Variants in MTA3 observed in about 807,000 individuals in gnomAD.
MTA3 encodes the protein metastasis-associated protein MTA3.
MTA3 carries 34 observed loss-of-function variants against 83.5 expected under a neutral mutation model. The ratio of observed to expected loss-of-function variants is 0.41; its 90% confidence interval spans 0.31 to 0.54. The LOEUF (loss-of-function observed/expected upper bound fraction) is 0.54, where lower values mean the gene tolerates loss of function less well. Ranked by LOEUF, MTA3 falls within the 20% of genes least tolerant of loss-of-function variation. The probability of loss-of-function intolerance (pLI) is 0.33; values close to 1 mark genes in which losing one functional copy is unlikely to be tolerated. For missense variants in MTA3, 761 were observed against 726.4 expected (o/e 1.05, Z -0.55); for synonymous variants, 303 against 252.7 (o/e 1.20, Z -1.89).
chr2:42,577,386 G>C (rs1161937802), intron 2 of MTA3, among the ~76,000 whole-genome samples: 1 of 151,690 alleles, frequency 6.6e-6, no homozygotes, highest in Non-Finnish European at 1.5e-5. Flanking sequence ...CCCCTAAGCA[G>C]GTTTAAATAA....
At chr2:42,725,796 T>G (rs139808841) in intron 16 of MTA3, among the ~76,000 whole-genome samples, 1 of 152,284 alleles carries the variant, frequency 6.6e-6, no homozygotes, top group African/African-American at 2.4e-5. Context: ...AGAATCCTTC[T>G]AGCGCCCTGC....
chr2:42,576,332 G>T (rs1679027877), intron 2 of MTA3, among the ~76,000 whole-genome samples: 1 of 152,228 alleles, frequency 6.6e-6, no homozygotes, highest in Non-Finnish European at 1.5e-5. Context: ...TGAAGTTGAG[G>T]CCTAAAGGAT....
At chr2:42,644,954 C>T (rs1182553788) in intron 6 of MTA3, among the ~76,000 whole-genome samples, 1 of 152,004 alleles carries the variant, frequency 6.6e-6, no homozygotes, top group Non-Finnish European at 1.5e-5. Context: ...CCTGCAGTGG[C>T]CGGTAAGTGT....
intron 8 of MTA3, among the ~76,000 whole-genome samples, chr2:42,678,682 G>A (rs1354385440): frequency 6.6e-6 from 1 of 152,102 alleles, no homozygotes; most frequent in African/African-American, 2.4e-5. Context: ...GTTATTTACT[G>A]TACCTAAACA....
At chr2:42,592,773 C>T (rs1681180039) in intron 3 of MTA3, among the ~76,000 whole-genome samples, 1 of 152,142 alleles carries the variant, frequency 6.6e-6, no homozygotes, top group Admixed American at 6.6e-5. Flanking sequence ...ACAATTCCTT[C>T]TTTTGGAATA....
chr2:42,572,635 A>G (rs1489375168), intron 2 of MTA3, among the ~76,000 whole-genome samples: 5 of 152,224 alleles, frequency 3.3e-5, no homozygotes, highest in African/African-American at 7.2e-5. Context: ...CTTTGGCCCA[A>G]TTAAAATTTT....
In MTA3 at chr2:42,656,308, T is replaced by TATG; in HGVS notation, c.602+8_602+10dup. 6.3e-7 allele frequency: 1 copy of TATG among 1,587,612 alleles called. No individual in the cohort carries two copies. The highest frequency in any genetic ancestry group is 1.3e-5 in the African/African-American group (1 of 74,554). On this transcript the variant is annotated splice_region_variant and intron_variant, in intron 7 of 16. Coordinates refer to ENST00000405094, the MANE Select transcript of MTA3 (RefSeq NM_001330442.2). ...CAGTTTTTAGTTGTAGCACGGTGAG[T>TATG]ATGAGTATGGCATTATTGAGTCAAT...
chr2:42,676,757 C>T (rs2104422608), intron 8 of MTA3, among the ~76,000 whole-genome samples: 1 of 152,192 alleles, frequency 6.6e-6, no homozygotes, highest in South Asian at 2.1e-4. Flanking sequence ...CAGAGTGAGA[C>T]CCTGTCTCCA....
At chr2:42,604,654 G>C (rs1683018672) in intron 3 of MTA3, among the ~76,000 whole-genome samples, 2 of 136,716 alleles carry the variant, frequency 1.5e-5, no homozygotes, top group African/African-American at 5.7e-5. Context: ...AGGGTCATGG[G>C]ACAATAGTGG....
intron 3 of MTA3, among the ~76,000 whole-genome samples, chr2:42,586,372 T>C (rs1573075757): frequency 7.1e-6 from 1 of 140,824 alleles, no homozygotes; most frequent in Non-Finnish European, 1.5e-5. Context: ...ACCACTTGAG[T>C]CCAGGAGTTG....
chr2:42,524,813 A>C, intron 2 of MTA3, among the ~76,000 whole-genome samples: 1 of 148,050 alleles, frequency 6.8e-6, no homozygotes, highest in Non-Finnish European at 1.5e-5. Flanking sequence ...GAGAACAAAA[A>C]CCTATCTAGC....
chr2:42,626,391 G>T (rs1237621759), intron 4 of MTA3, among the ~76,000 whole-genome samples: 1 of 151,480 alleles, frequency 6.6e-6, no homozygotes, highest in African/African-American at 2.4e-5. Context: ...TCTGCTTCTT[G>T]GGCTCAAGCG....
chr2:42,572,461 C>T (rs1372707792), intron 2 of MTA3, among the ~76,000 whole-genome samples: 4 of 151,944 alleles, frequency 2.6e-5, no homozygotes, highest in Non-Finnish European at 1.5e-5. Context: ...TGCCTGTAGT[C>T]CCAGTTACTT....
At chr2:42,676,834 G>GT (rs2104422827) in intron 8 of MTA3, among the ~76,000 whole-genome samples, 1 of 152,114 alleles carries the variant, frequency 6.6e-6, no homozygotes, top group Non-Finnish European at 1.5e-5. Context: ...TAATCTTTTA[G>GT]TTTTTTCATT....
chr2:42,512,021 AAAAT>A (rs971928196), intron 2 of MTA3, among the ~76,000 whole-genome samples: 25 of 151,792 alleles, frequency 1.6e-4, no homozygotes, highest in Admixed American at 6.6e-4. Flanking sequence ...CATCTCAAAA[AAAAT>A]AAATAAATAA....
At chr2:42,604,324 T>C (rs1573200030) in intron 3 of MTA3, among the ~76,000 whole-genome samples, 1 of 152,262 alleles carries the variant, frequency 6.6e-6, no homozygotes, top group Non-Finnish European at 1.5e-5. Context: ...ATTACAGGCA[T>C]GAGCCACTGC....
At chr2:42,707,717 A>G (rs375861895) in intron 12 of MTA3, among the ~76,000 whole-genome samples, 186 bp from the exon 13 acceptor site, 2 of 152,314 alleles carry the variant, frequency 1.3e-5, no homozygotes, top group African/African-American at 4.8e-5. Context: ...AATAATGGAA[A>G]TAAGTTGGTT....
In MTA3 at chr2:42,755,948, C is replaced by T. The variant is rs1476032836; in HGVS notation, c.*2549C>T. The T allele has an allele frequency of 4.0e-5, 39 of 985,390 alleles. No homozygotes were observed. The highest frequency in any genetic ancestry group is 5.2e-5 in the African/African-American group (3 of 57,246). 61.0% of individuals were successfully genotyped at this position (985,390 alleles called of 1,614,324 possible). ...GAGAGGAGGGCCGACTGGAGGGTGT[C>T]GCCGGAAGGTTTCAGCCTGCCCTTC... On this transcript the variant is annotated 3_prime_UTR_variant, in exon 17 of 17. Transcript: ENST00000405094.
chr2:42,651,537 C>T (rs918889375), intron 6 of MTA3, among the ~76,000 whole-genome samples: 7 of 152,014 alleles, frequency 4.6e-5, no homozygotes, highest in African/African-American at 7.2e-5. Context: ...TGCTTGTAAT[C>T]CCAGTGCTTA....
Sources: allele counts gnomAD v4.1 joint callset (sites outside exome capture counted in the v4.1 genomes callset), GRCh38; gene constraint gnomAD v4.1.1; transcripts MANE v1.5; gene names NCBI Gene and HGNC (gene_info 2026-07-23, HGNC 2026-07-21).